The following GLIS3 variants were observed in gnomAD, a reference collection of about 807,000 sequenced individuals.
GLIS3 encodes the protein zinc finger protein GLIS3.
In GLIS3, 53 loss-of-function variants were observed where a neutral mutation model predicts 78.6. The observed-to-expected ratio is 0.67, with a 90% CI of 0.54 to 0.85. The LOEUF is 0.85. Among genes scored for constraint, GLIS3 ranks in the 40% least tolerant of loss-of-function variants. GLIS3 has a pLI of 0.00. For synonymous variants in GLIS3, 684 were observed against 509.9 expected (o/e 1.34, Z -4.60); for missense variants, 1,703 against 1,231.1 (o/e 1.38, Z -5.74).
chr9:4,231,721 A>G (rs61228251), intron 2 of GLIS3, among the ~76,000 whole-genome samples: 5,961 of 152,330 alleles, frequency 0.039, 164 homozygotes, highest in African/African-American at 0.053. Context: ...TCTTATGACC[A>G]ACTAAGTATT....
intron 2 of GLIS3, among the ~76,000 whole-genome samples, chr9:4,257,499 A>AAAAG (rs904996445): frequency 9.8e-5 from 15 of 152,374 alleles, no homozygotes; most frequent in African/African-American, 2.6e-4. Context: ...AAAGCAAACC[A>AAAAG]AAAGAAAGAA....
chr9:4,487,237 G>T, the GLIS3 span, among the ~76,000 whole-genome samples: 1 of 152,016 alleles, frequency 6.6e-6, no homozygotes, highest in Admixed American at 6.6e-5. Context: ...GGTCTGAAGG[G>T]GTTCAGAGTG....
At chr9:4,273,966 A>G (rs1157872516) in intron 2 of GLIS3, among the ~76,000 whole-genome samples, 1 of 152,184 alleles carries the variant, frequency 6.6e-6, no homozygotes, top group African/African-American at 2.4e-5. Context: ...CAGCCTCATG[A>G]AACCAAAGAA....
chr9:3,997,622 T>C (rs974491088), intron 4 of GLIS3, among the ~76,000 whole-genome samples: 1 of 151,998 alleles, frequency 6.6e-6, no homozygotes, highest in African/African-American at 2.4e-5. Flanking sequence ...TAAGATTCAT[T>C]GATCATGCCA....
chr9:4,104,740 T>C (rs1830626696), intron 4 of GLIS3, among the ~76,000 whole-genome samples: 1 of 152,182 alleles, frequency 6.6e-6, no homozygotes, highest in South Asian at 2.1e-4. Context: ...TTGAGGCCTT[T>C]GCACTTGCTA....
chr9:4,349,294 ACC>A (rs1817932589), upstream of GLIS3, among the ~76,000 whole-genome samples: 1 of 152,230 alleles, frequency 6.6e-6, no homozygotes, highest in Non-Finnish European at 1.5e-5. Context: ...ATTTTATGCA[ACC>A]ATATTTCTCC....
At chr9:4,109,661 T>C (rs1049555345) in intron 4 of GLIS3, among the ~76,000 whole-genome samples, 19 of 152,208 alleles carry the variant, frequency 1.2e-4, no homozygotes, top group African/African-American at 4.6e-4. Flanking sequence ...TTTTATTGAC[T>C]AGATTTGCAT....
intron 2 of GLIS3, among the ~76,000 whole-genome samples, chr9:4,216,300 G>A (rs1269657575): frequency 2.6e-5 from 4 of 151,796 alleles, no homozygotes; most frequent in Non-Finnish European, 5.9e-5. Context: ...GTGAAACCCC[G>A]CCTCTACTAA....
intron 4 of GLIS3, among the ~76,000 whole-genome samples, chr9:4,006,637 T>C (rs1163935001): frequency 2.0e-5 from 3 of 152,184 alleles, no homozygotes; most frequent in Admixed American, 6.5e-5. Flanking sequence ...GTCATCTCCA[T>C]GCACTAGATG....
At chr9:4,486,733 A>T in the GLIS3 span, among the ~76,000 whole-genome samples, 1 of 152,230 alleles carries the variant, frequency 6.6e-6, no homozygotes, top group Non-Finnish European at 1.5e-5. Flanking sequence ...CTTGTCACCC[A>T]GGCTGGAGTG....
intron 4 of GLIS3, among the ~76,000 whole-genome samples, chr9:4,044,188 A>T (rs539084599): frequency 6.6e-5 from 10 of 152,228 alleles, no homozygotes; most frequent in Non-Finnish European, 1.3e-4. Context: ...TTCTTACAAC[A>T]AAAGAAAGAT....
intron 2 of GLIS3, among the ~76,000 whole-genome samples, chr9:4,163,074 A>G (rs73396420): frequency 9.8e-5 from 15 of 152,340 alleles, no homozygotes; most frequent in African/African-American, 3.6e-4. Flanking sequence ...TAGGGACTCT[A>G]CACATGTTAT....
chr9:3,937,216 G>C (rs1435713749), intron 4 of GLIS3, 27 bp from the exon 5 acceptor site: 4 of 1,613,338 alleles, frequency 2.5e-6, no homozygotes, highest in Non-Finnish European at 3.4e-6. Context: ...ATTTTTGGTG[G>C]TTGAGAAGGA....
At chr9:4,049,994 T>C (rs1280534178) in intron 4 of GLIS3, among the ~76,000 whole-genome samples, 2 of 152,160 alleles carry the variant, frequency 1.3e-5, no homozygotes, top group East Asian at 1.9e-4. Context: ...TTTTACACTG[T>C]TGGTGGGACT....
the GLIS3 span, among the ~76,000 whole-genome samples, chr9:4,358,185 G>C: frequency 1.3e-5 from 2 of 152,032 alleles, no homozygotes; most frequent in African/African-American, 4.8e-5. Flanking sequence ...ATTTCCAGAA[G>C]GCTGCATAAA....
chr9:3,899,991 G>T (rs1246803729), intron 6 of GLIS3, among the ~76,000 whole-genome samples: 1 of 152,146 alleles, frequency 6.6e-6, no homozygotes, highest in Non-Finnish European at 1.5e-5. Flanking sequence ...AGCTTTGAAA[G>T]AAGTGAGGAA....
chr9:4,366,963 G>A, the GLIS3 span, among the ~76,000 whole-genome samples: 1 of 152,182 alleles, frequency 6.6e-6, no homozygotes, highest in Non-Finnish European at 1.5e-5. Context: ...CTTTCCAGCA[G>A]AAAGACATCC....
At chr9:3,911,242 C>A (rs898592368) in intron 6 of GLIS3, among the ~76,000 whole-genome samples, 2 of 152,150 alleles carry the variant, frequency 1.3e-5, no homozygotes, top group African/African-American at 4.8e-5. Flanking sequence ...TCCCTGCTCT[C>A]ACAGAGTTTA....
intron 6 of GLIS3, among the ~76,000 whole-genome samples, chr9:3,925,154 C>T (rs1588239896): frequency 6.6e-6 from 1 of 152,164 alleles, no homozygotes; most frequent in Non-Finnish European, 1.5e-5. Context: ...TAATACTGAT[C>T]TCCTTATTGC....
Sources: allele counts gnomAD v4.1 joint callset (sites outside exome capture counted in the v4.1 genomes callset), GRCh38; gene constraint gnomAD v4.1.1; transcripts MANE v1.5; gene names NCBI Gene and HGNC (gene_info 2026-07-23, HGNC 2026-07-21).